The following NALF1 variants were observed in gnomAD, a reference collection of about 807,000 sequenced individuals.
NALF1 encodes family with sequence similarity 155 member A.
NALF1 carries 3 observed loss-of-function variants against 48.4 expected under a neutral mutation model. That is an observed-to-expected ratio of 0.06 (90% CI 0.03 to 0.16). The LOEUF is 0.16. NALF1 is among the 10% of genes least tolerant of loss of function. The pLI is 1.00. For synonymous variants in NALF1, 262 were observed against 245.7 expected, an observed-to-expected ratio of 1.07 and a Z score of -0.62; for missense variants, 526 against 571.5, an observed-to-expected ratio of 0.92 and a Z score of 0.81.
At chr13:107,420,586 A>G (rs1405172600) in intron 1 of NALF1, among the ~76,000 whole-genome samples, 1 of 152,170 alleles carries the variant, frequency 6.6e-6, no homozygotes, top group Non-Finnish European at 1.5e-5. Flanking sequence ...GGATGACTCC[A>G]CATATGCCTT....
rs149808368 is a variant in NALF1, at chr13:107,310,267, G to A, written c.916-99512C>T. Among the ~76,000 whole-genome samples, 1,178 of 151,938 alleles carry A rather than the reference G, an allele frequency of 7.8e-3. 17 individuals are homozygous for A. Among genetic ancestry groups the A allele is most frequent in the African/African-American group, 0.027 (1,111 of 41,440 alleles). On this transcript the variant is annotated intron_variant, in intron 1 of 2. Coordinates refer to ENST00000375915, the MANE Select transcript of NALF1 (RefSeq NM_001080396.3). ...TCTACTAAAAATACAAAAATTAGCC[G>A]GGCGTGGTGGCGGGCACTTGTAATC... is the stretch of plus-strand genomic sequence containing the variant.
chr13:107,382,155 A>G (rs1883451629), intron 1 of NALF1, among the ~76,000 whole-genome samples: 1 of 152,116 alleles, frequency 6.6e-6, no homozygotes. Context: ...TTTTCTTCAA[A>G]TTTATAACAT....
At chr13:107,416,793 GT>G (rs1884096538) in intron 1 of NALF1, among the ~76,000 whole-genome samples, 1 of 152,148 alleles carries the variant, frequency 6.6e-6, no homozygotes, top group African/African-American at 2.4e-5. Flanking sequence ...CCAAATATGT[GT>G]TCTTTAAAAC....
chr13:107,311,361 G>A (rs892994472), intron 1 of NALF1, among the ~76,000 whole-genome samples: 1 of 152,056 alleles, frequency 6.6e-6, no homozygotes, highest in Non-Finnish European at 1.5e-5. Flanking sequence ...TAAAAGGATT[G>A]ATATTGCTTC....
intron 1 of NALF1, among the ~76,000 whole-genome samples, chr13:107,609,367 C>T (rs2138430897): frequency 6.6e-6 from 1 of 152,294 alleles, no homozygotes; most frequent in East Asian, 1.9e-4. Context: ...CTTGCACCAA[C>T]CAGTCCCGGG....
chr13:107,182,431 C>T (rs1392013804), intron 2 of NALF1, among the ~76,000 whole-genome samples: 8 of 151,958 alleles, frequency 5.3e-5, no homozygotes, highest in Non-Finnish European at 1.0e-4. Context: ...AATGCCACCA[C>T]GCCTGGCTAA....
At chr13:107,286,556 G>A (rs1221000069) in intron 1 of NALF1, among the ~76,000 whole-genome samples, 1 of 144,562 alleles carries the variant, frequency 6.9e-6, no homozygotes. Context: ...AGGATGGCTC[G>A]AGGCTGGGTG....
chr13:107,544,097 GAATT>G (rs1395361444), intron 1 of NALF1, among the ~76,000 whole-genome samples: 2 of 152,102 alleles, frequency 1.3e-5, no homozygotes, highest in Non-Finnish European at 2.9e-5. Context: ...CCTTCTGCTA[GAATT>G]AATGAGATAA....
At chr13:107,370,988 A>G (rs2138964589) in intron 1 of NALF1, among the ~76,000 whole-genome samples, 1 of 152,278 alleles carries the variant, frequency 6.6e-6, no homozygotes. Context: ...CATCCCTCCC[A>G]CAATGCATGA....
intron 1 of NALF1, among the ~76,000 whole-genome samples, chr13:107,367,169 A>T (rs748482412): frequency 3.3e-5 from 5 of 152,234 alleles, no homozygotes; most frequent in Non-Finnish European, 7.3e-5. Context: ...ATTAATTTAA[A>T]AAAATAAAAA....
At chr13:107,321,591 C>T (rs1046487895) in intron 1 of NALF1, among the ~76,000 whole-genome samples, 1 of 152,080 alleles carries the variant, frequency 6.6e-6, no homozygotes, top group Admixed American at 6.6e-5. Flanking sequence ...CAGATCTCTA[C>T]ATGGTAAAAA....
intron 1 of NALF1, among the ~76,000 whole-genome samples, chr13:107,745,824 C>G (rs1039139359): frequency 3.9e-5 from 6 of 152,126 alleles, no homozygotes; most frequent in Non-Finnish European, 7.4e-5. Context: ...CTCATGAGAT[C>G]TGATGGTCTT....
At chr13:107,299,366 G>A (rs1489770739) in intron 1 of NALF1, among the ~76,000 whole-genome samples, 1 of 151,478 alleles carries the variant, frequency 6.6e-6, no homozygotes, top group Non-Finnish European at 1.5e-5. Context: ...GCACCCAGGA[G>A]GCGGAGGTAG....
chr13:107,764,880 T>C (rs1877378691), intron 1 of NALF1, among the ~76,000 whole-genome samples: 1 of 152,148 alleles, frequency 6.6e-6, no homozygotes, highest in Admixed American at 6.6e-5. Flanking sequence ...TGCATTCAAT[T>C]AATAAGTTTC....
At chr13:107,262,438 T>C (rs1880946472) in intron 1 of NALF1, among the ~76,000 whole-genome samples, 1 of 152,030 alleles carries the variant, frequency 6.6e-6, no homozygotes, top group African/African-American at 2.4e-5. Flanking sequence ...AAAAAGCATA[T>C]GGAAGCTGCA....
chr13:107,826,720 T>G (rs770211965), intron 1 of NALF1, among the ~76,000 whole-genome samples: 19 of 152,202 alleles, frequency 1.2e-4, no homozygotes, highest in African/African-American at 4.6e-4. Flanking sequence ...CTTTTCCTTC[T>G]GAAGAGGAGG....
intron 1 of NALF1, among the ~76,000 whole-genome samples, chr13:107,402,161 T>C (rs1363656665): frequency 1.3e-5 from 2 of 152,204 alleles, no homozygotes; most frequent in South Asian, 2.1e-4. Flanking sequence ...GCTGGCATAG[T>C]GACTTCAGTC....
intron 1 of NALF1, among the ~76,000 whole-genome samples, chr13:107,624,409 T>C (rs967517366): frequency 6.6e-5 from 10 of 152,250 alleles, no homozygotes; most frequent in African/African-American, 2.4e-4. Context: ...AAAGTTCTCA[T>C]AAAAATTCTT....
Position 107,665,013 on chromosome 13 carries a change from G to C in NALF1, c.915+200669C>G, listed in dbSNP as rs142898073. The stretch of plus-strand genomic sequence containing the variant: ...GTCAAAATTTCCAACAGACAATATG[G>C]TACTTAAAAGCAAACATATAATGGT... On this transcript the variant is annotated intron_variant, in intron 1 of 2. Transcript: ENST00000375915. Among the ~76,000 whole-genome samples, 412 of 152,086 alleles carry C rather than the reference G, an allele frequency of 2.7e-3. 2 individuals carry two copies. The highest frequency in any genetic ancestry group is 9.6e-3 in the African/African-American group (397 of 41,500).
Sources: gnomAD v4.1 joint callset for allele counts (sites outside exome capture counted in the v4.1 genomes callset) on GRCh38, gnomAD v4.1.1 for gene constraint, MANE v1.5 for transcripts, NCBI Gene and HGNC (gene_info 2026-07-23, HGNC 2026-07-21) for gene names.